CNTNAP2: variants seen among roughly 807,000 people sequenced by gnomAD.
The protein encoded by CNTNAP2 is contactin-associated protein-like 2.
In CNTNAP2, 98 loss-of-function variants were observed where a neutral mutation model predicts 155.2. The ratio of observed to expected loss-of-function variants is 0.63; its 90% CI spans 0.54 to 0.75. CNTNAP2 has a LOEUF of 0.75. Ranked by LOEUF, CNTNAP2 falls within the 30% of genes least tolerant of loss-of-function variation. The probability of loss-of-function intolerance (pLI) is 0.00; values close to 1 mark genes in which losing one functional copy is unlikely to be tolerated. For missense variants in CNTNAP2, 1,727 were observed against 1,688.1 expected (o/e 1.02, Z -0.40); for synonymous variants, 651 against 631.2 (o/e 1.03, Z -0.47).
chr7:147,272,800 C>T (rs1804786213), intron 8 of CNTNAP2, among the ~76,000 whole-genome samples: 1 of 151,638 alleles, frequency 6.6e-6, no homozygotes, highest in Admixed American at 6.6e-5. Flanking sequence ...AGCCACTGCG[C>T]CTGGCCATGT....
At chr7:146,304,358 C>T (rs946303701) in intron 1 of CNTNAP2, among the ~76,000 whole-genome samples, 1 of 152,046 alleles carries the variant, frequency 6.6e-6, no homozygotes, top group African/African-American at 2.4e-5. Flanking sequence ...CAATTTCTTC[C>T]TAGCATTGAT....
chr7:146,141,195 G>A (rs1526072), intron 1 of CNTNAP2, among the ~76,000 whole-genome samples: 1 of 151,886 alleles, frequency 6.6e-6, no homozygotes, highest in African/African-American at 2.4e-5. Flanking sequence ...GTGGCACAAA[G>A]GGCACCTGTG....
intron 10 of CNTNAP2, among the ~76,000 whole-genome samples, chr7:147,472,327 G>A (rs564914435): frequency 6.9e-6 from 1 of 145,804 alleles, no homozygotes; most frequent in East Asian, 2.1e-4. Context: ...ATTCTCCTGC[G>A]TAAGCCTCCT....
intron 13 of CNTNAP2, among the ~76,000 whole-genome samples, chr7:147,685,045 C>G (rs566956714): frequency 2.6e-5 from 4 of 151,932 alleles, no homozygotes; most frequent in African/African-American, 9.6e-5. Flanking sequence ...TCTTCACATC[C>G]TATTTCACCT....
intron 11 of CNTNAP2, among the ~76,000 whole-genome samples, chr7:147,526,360 CA>C (rs1268923366): frequency 6.6e-6 from 1 of 152,052 alleles, no homozygotes; most frequent in Non-Finnish European, 1.5e-5. Flanking sequence ...GAAAATTAAG[CA>C]GTTTCTGGGA....
At chr7:148,326,043 T>C (rs112315797) in intron 21 of CNTNAP2, among the ~76,000 whole-genome samples, 2,986 of 152,268 alleles carry the variant, frequency 0.02, 100 homozygotes, top group African/African-American at 0.068. Flanking sequence ...TCTCAACCCT[T>C]ACTGCAAATT....
chr7:148,077,016 C>T (rs1445800559), intron 15 of CNTNAP2, among the ~76,000 whole-genome samples: 1 of 151,962 alleles, frequency 6.6e-6, no homozygotes, highest in Non-Finnish European at 1.5e-5. Flanking sequence ...TTAATACTAC[C>T]ATATATACAG....
At chr7:147,107,328 A>G (rs937150627) in intron 4 of CNTNAP2, among the ~76,000 whole-genome samples, 2 of 152,124 alleles carry the variant, frequency 1.3e-5, no homozygotes, top group African/African-American at 2.4e-5. Flanking sequence ...TCACAGTCAC[A>G]TATTTCTGAT....
At chr7:148,276,342 T>C (rs1479206153) in intron 21 of CNTNAP2, among the ~76,000 whole-genome samples, 1 of 151,504 alleles carries the variant, frequency 6.6e-6, no homozygotes, top group East Asian at 1.9e-4. Flanking sequence ...CACTCACCAC[T>C]GTGGGCACCT....
intron 15 of CNTNAP2, among the ~76,000 whole-genome samples, chr7:148,006,156 T>TA (rs35732291): frequency 0.04 from 6,158 of 152,054 alleles, 252 homozygotes; most frequent in East Asian, 0.24. Flanking sequence ...CAAAGGCTAA[T>TA]AAAAAAACAG....
At chr7:146,780,170 C>A (rs77696094) in intron 2 of CNTNAP2, among the ~76,000 whole-genome samples, 22,754 of 151,122 alleles carry the variant, frequency 0.15, 2,166 homozygotes, top group East Asian at 0.31. Context: ...CACATCCTCG[C>A]CAGCATCTGT....
intron 1 of CNTNAP2, among the ~76,000 whole-genome samples, chr7:146,382,270 C>T (rs747058915): frequency 1.3e-5 from 2 of 151,996 alleles, no homozygotes; most frequent in Non-Finnish European, 2.9e-5. Flanking sequence ...CAGGTGCAAT[C>T]GAACAGAAAA....
At chr7:146,139,277 G>C (rs551735384) in intron 1 of CNTNAP2, among the ~76,000 whole-genome samples, 150 of 152,176 alleles carry the variant, frequency 9.9e-4, no homozygotes, top group African/African-American at 3.2e-3. Context: ...CCATTGTAAA[G>C]TCAAAATATC....
chr7:147,781,405 A>G (rs1194924694), intron 13 of CNTNAP2, among the ~76,000 whole-genome samples: 1 of 152,172 alleles, frequency 6.6e-6, no homozygotes, highest in African/African-American at 2.4e-5. Flanking sequence ...TGAGAAAAAG[A>G]GATTGGACTT....
chr7:146,918,831 G>C (rs1313904770), intron 3 of CNTNAP2, among the ~76,000 whole-genome samples: 1 of 152,094 alleles, frequency 6.6e-6, no homozygotes, highest in Admixed American at 6.6e-5. Flanking sequence ...CTTAGGTTTG[G>C]TCATTTACCA....
intron 13 of CNTNAP2, among the ~76,000 whole-genome samples, chr7:147,789,892 G>T (rs1023554689): frequency 1.3e-5 from 2 of 152,154 alleles, no homozygotes; most frequent in African/African-American, 4.8e-5. Context: ...ACCGAAGGCT[G>T]TTCTGTCGGC....
intron 3 of CNTNAP2, among the ~76,000 whole-genome samples, chr7:147,015,105 T>C (rs1294765493): frequency 2.6e-5 from 4 of 151,558 alleles, no homozygotes; most frequent in Non-Finnish European, 5.9e-5. Flanking sequence ...TTTTTTTTTC[T>C]TTTTTCCCTC....
At chr7:148,281,235 T>G (rs1345219971) in intron 21 of CNTNAP2, among the ~76,000 whole-genome samples, 1 of 152,240 alleles carries the variant, frequency 6.6e-6, no homozygotes, top group African/African-American at 2.4e-5. Flanking sequence ...TATAATACAT[T>G]TCTTTAAAAA....
chr7:146,525,085 C>T (rs17170126), intron 1 of CNTNAP2, among the ~76,000 whole-genome samples: 61,741 of 151,578 alleles, frequency 0.41, 13,465 homozygotes, highest in African/African-American at 0.57. Flanking sequence ...TGGATCACAG[C>T]TATTGTTTTA....
Sources: allele counts gnomAD v4.1 joint callset (sites outside exome capture counted in the v4.1 genomes callset), GRCh38; gene constraint gnomAD v4.1.1; transcripts MANE v1.5; gene names NCBI Gene and HGNC (gene_info 2026-07-23, HGNC 2026-07-21).